TPRA1: variants seen among roughly 807,000 people sequenced by gnomAD.
TPRA1 encodes the protein transmembrane protein adipocyte associated 1.
In TPRA1, 28 loss-of-function variants were observed where a neutral mutation model predicts 40.1. That is an observed-to-expected ratio of 0.70 (90% CI 0.52 to 0.96). The LOEUF (loss-of-function observed/expected upper bound fraction) is 0.96, where lower values mean the gene tolerates loss of function less well. Ranked by LOEUF, TPRA1 falls within the 40% of genes least tolerant of loss-of-function variation. The pLI, the probability that TPRA1 is intolerant of heterozygous loss-of-function variation, is 0.00. For synonymous variants in TPRA1, 219 were observed against 209.7 expected, an observed-to-expected ratio of 1.04 and a Z score of -0.38; for missense variants, 441 against 482.6, an observed-to-expected ratio of 0.91 and a Z score of 0.81.
chr3:127,580,997 C>A (rs937332303), intron 1 of TPRA1, among the ~76,000 whole-genome samples: 2 of 152,172 alleles, frequency 1.3e-5, no homozygotes, highest in Non-Finnish European at 2.9e-5. Context: ...TCGAGTCTAG[C>A]CTGGAAGACA....
chr3:127,573,712 GC>G lies in TPRA1; in HGVS notation c.930del (p.Gln310HisfsTer198), dbSNP rs768666237. The G allele has an allele frequency of 6.8e-6, 11 of 1,612,624 alleles. No individual in the cohort carries two copies. Among genetic ancestry groups the G allele is most frequent in the Middle Eastern group, 3.3e-4 (2 of 6,078 alleles). On this transcript the variant is annotated frameshift_variant, in exon 11 of 11. Transcript: ENST00000355552. LOFTEE classifies it high-confidence loss of function. ...CCCTCCCGCCGGGCCACAGCGTAGG[GC>G]TGGGGTAGGTGTACATCTGGCTCCT... ...ETEEPDVHLPQPYAVARREGL... is the reference protein window; with the variant it reads ...ETEEPDVHLPXPYAVARREGL...
intron 1 of TPRA1, among the ~76,000 whole-genome samples, chr3:127,586,474 T>G (rs1364033496): frequency 6.6e-6 from 1 of 152,236 alleles, no homozygotes; most frequent in Non-Finnish European, 1.5e-5. Context: ...TCTTCCCATC[T>G]CAGCCTCCCA....
intron 1 of TPRA1, among the ~76,000 whole-genome samples, chr3:127,586,345 A>T (rs1420875927): frequency 6.6e-6 from 1 of 152,030 alleles, no homozygotes; most frequent in Non-Finnish European, 1.5e-5. Context: ...CCCATTATTT[A>T]TTTATTCATA....
intron 1 of TPRA1, among the ~76,000 whole-genome samples, chr3:127,582,798 T>G (rs2073873759): frequency 6.8e-6 from 1 of 147,392 alleles, no homozygotes; most frequent in African/African-American, 2.5e-5. Flanking sequence ...GTTGGGAGTT[T>G]GAGGCCAGAC....
chr3:127,575,158 C>T, intron 10 of TPRA1, 27 bp downstream of exon 10: 2 of 1,607,794 alleles, frequency 1.2e-6, no homozygotes, highest in African/African-American at 1.3e-5. Context: ...GGCAGCCACG[C>T]GGGGGCGCCG....
chr3:127,590,187 C>T (rs932136366), intron 1 of TPRA1, among the ~76,000 whole-genome samples: 2 of 152,166 alleles, frequency 1.3e-5, no homozygotes, highest in Non-Finnish European at 2.9e-5. Flanking sequence ...CTCGCGTGCC[C>T]CCGCGCCCCG....
At chr3:127,581,428 A>T (rs751776743) in intron 1 of TPRA1, among the ~76,000 whole-genome samples, 10 of 152,230 alleles carry the variant, frequency 6.6e-5, no homozygotes, top group Non-Finnish European at 1.5e-4. Flanking sequence ...CGACAGGCGT[A>T]TGATCCGTGG....
intron 1 of TPRA1, among the ~76,000 whole-genome samples, chr3:127,583,917 C>A (rs1034643840): frequency 6.6e-6 from 1 of 151,882 alleles, no homozygotes; most frequent in Non-Finnish European, 1.5e-5. Flanking sequence ...GATCCGCCCA[C>A]CTCGGCCTCC....
chr3:127,584,342 C>T (rs1375772142), intron 1 of TPRA1, among the ~76,000 whole-genome samples: 2 of 144,470 alleles, frequency 1.4e-5, no homozygotes, highest in African/African-American at 2.6e-5. Context: ...TCGGTGGGGC[C>T]GAGGTGGAAG....
chr3:127,597,719 A>G (rs185297405), intron 1 of TPRA1, among the ~76,000 whole-genome samples: 2 of 152,300 alleles, frequency 1.3e-5, no homozygotes, highest in Non-Finnish European at 2.9e-5. Flanking sequence ...AGCTGCTTGA[A>G]GTATTGAGCC....
chr3:127,587,262 GC>G (rs1250519030), intron 1 of TPRA1: 3 of 152,128 alleles, frequency 2.0e-5, no homozygotes, highest in Admixed American at 6.6e-5. Context: ...TCAGGTACCC[GC>G]CTCAGAGTAA....
intron 1 of TPRA1, among the ~76,000 whole-genome samples, chr3:127,585,898 G>C (rs1310094744): frequency 6.6e-6 from 1 of 152,206 alleles, no homozygotes; most frequent in Admixed American, 6.5e-5. Context: ...GTTTGACATG[G>C]CAACTGCTAG....
At chr3:127,575,067 C>T (rs1053844773) in intron 10 of TPRA1, 118 bp downstream of exon 10, 9 of 1,076,728 alleles carry the variant, frequency 8.4e-6, no homozygotes, top group South Asian at 1.5e-5. Flanking sequence ...TATGTATGTG[C>T]GTGCGCATGC....
rs562914626 is a variant in TPRA1, at chr3:127,574,913, T to A, written c.854+272A>T. The A allele has an allele frequency of 6.8e-4, 350 of 517,622 alleles. 1 individual carries two copies. The highest frequency in any genetic ancestry group is 6.0e-3 in the African/African-American group (313 of 52,190). The allele number at this position is 517,622 out of a possible 1,614,324, so 32.1% of individuals were successfully genotyped here. ...GTGCATATGCCCGTGTGTATCCGTA[T>A]GTGCGTGTTTGTGTGTGCATGTGCA... is the stretch of plus-strand genomic sequence containing the variant. On this transcript the variant is annotated intron_variant, in intron 10 of 10. Coordinates refer to ENST00000355552, the MANE Select transcript of TPRA1 (RefSeq NM_001136053.4).
intron 2 of TPRA1, 71 bp from the exon 3 acceptor site, chr3:127,579,943 GC>G: frequency 1.2e-6 from 2 of 1,608,750 alleles, no homozygotes; most frequent in South Asian, 1.1e-5. Context: ...GACACAATCT[GC>G]CCCACCCTCA....
chr3:127,589,876 G>C (rs1012568176), intron 1 of TPRA1, among the ~76,000 whole-genome samples: 3 of 152,228 alleles, frequency 2.0e-5, no homozygotes, highest in African/African-American at 7.2e-5. Context: ...CCCCGCTGGG[G>C]ACTGGACGAC....
rs564438267 is a variant in TPRA1, at chr3:127,574,975, CG to C, written c.854+209del. 234 of 603,670 alleles carry C rather than the reference CG, an allele frequency of 3.9e-4. 5 individuals carry two copies. The South Asian group carries it at 4.1e-3, about 11-fold the overall frequency. 37.4% of individuals were successfully genotyped at this position (603,670 alleles called of 1,614,324 possible). A position where few individuals can be genotyped will look rare whatever the true frequency, so the allele number is the denominator to read the frequency against. ...TTGTGCATCCGTGTGTGCATGTGCA[CG>C]TGTCCATGCACATGTGGGTGGGTGT... On this transcript the variant is annotated intron_variant, in intron 10 of 10. Transcript: ENST00000355552.
chr3:127,597,596 G>A (rs1297460047), intron 1 of TPRA1, among the ~76,000 whole-genome samples: 2 of 152,170 alleles, frequency 1.3e-5, no homozygotes, highest in African/African-American at 2.4e-5. Context: ...CTGCAGCTTT[G>A]CACATGGCAT....
Position 127,577,128 on chromosome 3 carries a change from G to A in TPRA1, c.259-52C>T, listed in dbSNP as rs370918494. On this transcript the variant is annotated intron_variant, in intron 3 of 10. Transcript: ENST00000355552. ...GTCAGGGAACAAGAGCCTCTGCATC[G>A]GCAGGGGCAGCAAGCCCACCCCCAT... 68 of 1,574,120 alleles carry A rather than the reference G, an allele frequency of 4.3e-5. No individual in the cohort carries two copies. In the African/African-American group the frequency reaches 5.7e-4, roughly 13 times the overall value.
Sources: allele counts gnomAD v4.1 joint callset (sites outside exome capture counted in the v4.1 genomes callset), GRCh38; gene constraint gnomAD v4.1.1; transcripts MANE v1.5; gene names NCBI Gene and HGNC (gene_info 2026-07-23, HGNC 2026-07-21).